The following GLIS1 variants were observed in gnomAD, a reference collection of about 807,000 sequenced individuals.
GLIS1 encodes zinc finger protein GLIS1.
A neutral mutation model predicts 63.8 loss-of-function variants in GLIS1; 24 were observed. The ratio of observed to expected loss-of-function variants is 0.38; its 90% confidence interval spans 0.27 to 0.53. The LOEUF (loss-of-function observed/expected upper bound fraction) is 0.53, where lower values mean the gene tolerates loss of function less well. Among genes scored for constraint, GLIS1 ranks in the 20% least tolerant of loss-of-function variants. The pLI is 0.85. For synonymous variants in GLIS1, 450 were observed against 482.5 expected (o/e 0.93, Z 0.88); for missense variants, 1,036 against 1,074.1 (o/e 0.96, Z 0.50).
chr1:53,607,597 G>A (rs1459563048), intron 2 of GLIS1, among the ~76,000 whole-genome samples: 2 of 152,228 alleles, frequency 1.3e-5, no homozygotes, highest in Admixed American at 1.3e-4. Flanking sequence ...AGGTCATGCA[G>A]CTGTGAAATG....
intron 2 of GLIS1, among the ~76,000 whole-genome samples, chr1:53,627,920 A>G (rs3013744): frequency 0.63 from 96,554 of 152,122 alleles, 32,635 homozygotes; most frequent in Middle Eastern, 0.79. Flanking sequence ...GCTCCAAGAT[A>G]GCTTGCTCCA....
chr1:53,711,957 G>A (rs777916918), intron 2 of GLIS1, among the ~76,000 whole-genome samples: 2 of 152,244 alleles, frequency 1.3e-5, no homozygotes, highest in African/African-American at 2.4e-5. Context: ...CTGCGGGTCT[G>A]TGAGTCTGAG....
At chr1:53,697,721 C>T (rs1646480796) in intron 2 of GLIS1, among the ~76,000 whole-genome samples, 1 of 152,216 alleles carries the variant, frequency 6.6e-6, no homozygotes, top group South Asian at 2.1e-4. Context: ...GGACACTGTC[C>T]TAAACACTTT....
At chr1:53,714,229 C>A (rs948930759) in intron 2 of GLIS1, among the ~76,000 whole-genome samples, 1 of 152,154 alleles carries the variant, frequency 6.6e-6, no homozygotes, top group African/African-American at 2.4e-5. Flanking sequence ...AGTCTCAGCT[C>A]CTTCAGCTGC....
In GLIS1 at chr1:53,601,792, G is replaced by A. The variant is rs137938289; in HGVS notation, c.260-1514C>T. On this transcript the variant is annotated intron_variant, in intron 2 of 10. Transcript: ENST00000628545. ...GCCTTTTAGAGAGTCCACCCCCGAG[G>A]ATCCCTGTCCCTCAACCCTAATTCT... Among the ~76,000 whole-genome samples, 255 of 152,266 alleles carry A rather than the reference G, an allele frequency of 1.7e-3. 6 individuals are homozygous for A. The East Asian group carries it at 0.039, about 24-fold the overall frequency.
At chr1:53,631,480 T>C (rs191736378) in intron 2 of GLIS1, among the ~76,000 whole-genome samples, 3 of 152,366 alleles carry the variant, frequency 2.0e-5, no homozygotes. Flanking sequence ...CAAAACATTA[T>C]TCAGTCATCA....
intron 2 of GLIS1, among the ~76,000 whole-genome samples, chr1:53,636,386 A>C (rs1645721822): frequency 6.6e-6 from 1 of 152,206 alleles, no homozygotes; most frequent in Non-Finnish European, 1.5e-5. Context: ...CATTTGATAA[A>C]AATTCGACAT....
At position 53,677,826 on chromosome 1, in the gene GLIS1, T is replaced by C. The variant is rs958770168; in HGVS notation, c.259+59980A>G. On this transcript the variant is annotated intron_variant, in intron 2 of 10. Transcript: ENST00000628545. The stretch of plus-strand genomic sequence containing the variant: ...CTGTAGGCGTTCCTCCAAGCCTTCT[T>C]CTCGCTTAAGGGAGGAGCACAGTCT... Among the ~76,000 whole-genome samples, 2 of 152,208 alleles carry C rather than the reference T, an allele frequency of 1.3e-5. 1 individual carries two copies. The highest frequency in any genetic ancestry group is 2.9e-5 in the Non-Finnish European group (2 of 68,036).
intron 2 of GLIS1, among the ~76,000 whole-genome samples, chr1:53,691,515 G>A (rs1646404958): frequency 3.3e-5 from 5 of 152,114 alleles, no homozygotes; most frequent in Admixed American, 3.3e-4. Context: ...CACGGACTGG[G>A]AGGAGCTGAG....
In GLIS1 at chr1:53,534,299, G is replaced by A. The variant is rs548967393; in HGVS notation, c.1321-4347C>T. Among the ~76,000 whole-genome samples the A allele has an allele frequency of 5.3e-5, 8 of 152,138 alleles. No homozygotes were observed. In the South Asian group the frequency reaches 8.3e-4, roughly 16 times the overall value. ...CCTTCAGGTAATGGCACCACGACCC[G>A]AGGGCATCGTAATGATTCCATGGGG... On this transcript the variant is annotated intron_variant, in intron 4 of 10. Transcript: ENST00000628545.
chr1:53,538,413 C>G (rs1014251205), intron 4 of GLIS1, among the ~76,000 whole-genome samples: 1 of 152,170 alleles, frequency 6.6e-6, no homozygotes, highest in African/African-American at 2.4e-5. Context: ...TCTCACTAAT[C>G]CTGCAACCCC....
chr1:53,674,192 AAAG>A (rs1245210177), intron 2 of GLIS1, among the ~76,000 whole-genome samples: 1 of 151,844 alleles, frequency 6.6e-6, no homozygotes, highest in Non-Finnish European at 1.5e-5. Context: ...AAAAAAAAGA[AAAG>A]AAAAAAAAAT....
At position 53,551,193 on chromosome 1, in the gene GLIS1, C is replaced by T. The variant is rs566828509; in HGVS notation, c.1321-21241G>A. On this transcript the variant is annotated intron_variant, in intron 4 of 10. Coordinates refer to ENST00000628545, the MANE Select transcript of GLIS1 (RefSeq NM_001367484.1). ...CCGTGTTGAGCCCTCACTATGTGCC[C>T]GGCATTGTGCTAAGAGAGGAGCCAA... Among the ~76,000 whole-genome samples, 11 of 152,270 alleles carry T rather than the reference C, an allele frequency of 7.2e-5. No homozygotes were observed. The South Asian group carries it at 1.0e-3, about 14-fold the overall frequency.
chr1:53,656,970 G>A (rs948219542), intron 2 of GLIS1, among the ~76,000 whole-genome samples: 3 of 152,130 alleles, frequency 2.0e-5, no homozygotes, highest in African/African-American at 4.8e-5. Context: ...GCAGAGGTCC[G>A]GAGGGTGCAG....
At chr1:53,647,897 C>T (rs889617149) in intron 2 of GLIS1, among the ~76,000 whole-genome samples, 9 of 152,254 alleles carry the variant, frequency 5.9e-5, no homozygotes, top group African/African-American at 2.2e-4. Flanking sequence ...CTTCCCCAGA[C>T]ACAGTGGCAC....
intron 2 of GLIS1, among the ~76,000 whole-genome samples, chr1:53,725,977 C>T (rs1646801324): frequency 6.6e-6 from 1 of 152,248 alleles, no homozygotes; most frequent in South Asian, 2.1e-4. Flanking sequence ...GCTCTATCCT[C>T]TATCAGCAAG....
intron 2 of GLIS1, among the ~76,000 whole-genome samples, chr1:53,602,559 G>C (rs1205682337): frequency 6.6e-6 from 1 of 152,154 alleles, no homozygotes; most frequent in African/African-American, 2.4e-5. Flanking sequence ...GCTGTGTGCA[G>C]TGAAGGAAGG....
Position 53,672,780 on chromosome 1 carries a change from C to T in GLIS1, c.259+65026G>A, listed in dbSNP as rs997292510. On this transcript the variant is annotated intron_variant, in intron 2 of 10. Transcript: ENST00000628545. ...TATCTCCCCTTCCCGACACAAACCT[C>T]GAGTTTTCTCTCTTTCTATGCCCCA... Among the ~76,000 whole-genome samples the T allele has an allele frequency of 1.5e-4, 23 of 152,218 alleles. No individual in the cohort carries two copies. The South Asian group carries it at 2.3e-3, about 15-fold the overall frequency.
chr1:53,695,972 C>T (rs1320609330), intron 2 of GLIS1, among the ~76,000 whole-genome samples: 5 of 152,226 alleles, frequency 3.3e-5, no homozygotes, highest in African/African-American at 1.2e-4. Flanking sequence ...GGTGCCAGAG[C>T]ATCTCTTGAG....
Sources: allele counts gnomAD v4.1 joint callset (sites outside exome capture counted in the v4.1 genomes callset), GRCh38; gene constraint gnomAD v4.1.1; transcripts MANE v1.5; gene names NCBI Gene and HGNC (gene_info 2026-07-23, HGNC 2026-07-21).